The following ZFX variants were observed in gnomAD, a reference collection of about 807,000 sequenced individuals.
The protein encoded by ZFX is zinc finger protein X-linked.
For missense variants in ZFX, 362 were observed against 628.3 expected (o/e 0.58, Z 4.53); for synonymous variants, 196 against 226.8 (o/e 0.86, Z 1.22).
At chrX:24,198,654 C>A (rs1937087956) in intron 5 of ZFX, among the ~76,000 whole-genome samples, 1 of 111,206 alleles carries the variant, frequency 9.0e-6, no homozygotes, top group Non-Finnish European at 1.9e-5. Flanking sequence ...AGGGAAGTTT[C>A]TTTCCCTTAT....
At position 24,210,821 on chromosome X, in the gene ZFX, G is replaced by C. The variant is rs758783556; in HGVS notation, c.1863G>C (p.Gln621His). ...CTTTCTCGGATACCAAAGAGGTGCA[G>C]CAACATGCTCTTATCCACCAAGAAA... ...LLTFSDTKEV[Q>H]QHALIHQESK... The change falls in exon 10 of 10, where the codon CAG becomes CAC. Residue 621 changes from glutamine (Q) to histidine (H), a missense_variant. By Grantham distance (24) the Gln-to-His change is conservative (BLOSUM62 0). Coordinates refer to ENST00000304543, the MANE Select transcript of ZFX (RefSeq NM_003410.4). 8.3e-7 allele frequency: 1 copy of C among 1,211,964 alleles called. No individual in the cohort carries two copies. The highest frequency in any genetic ancestry group is 1.8e-5 in the South Asian group (1 of 56,984).
chrX:24,207,164 C>T (rs1164435478), intron 5 of ZFX, 162 bp from the exon 6 acceptor site: 11 of 464,820 alleles, frequency 2.4e-5, no homozygotes, highest in Admixed American at 1.3e-4. Flanking sequence ...ACCTGGGAGG[C>T]GGAGGTTGCA....
chrX:24,157,170 ACTT>A lies in ZFX; in HGVS notation c.-29+4341_-29+4343del, dbSNP rs747980194. ...ATTTGAATTCTGGGTATGTGCTACTACTTTTCATAAAGCTCTTGCACAACTTTT... is the reference window on the plus strand; with the variant it reads ...ATTTGAATTCTGGGTATGTGCTACTATTCATAAAGCTCTTGCACAACTTTT... On this transcript the variant is annotated intron_variant, in intron 3 of 9. Transcript: ENST00000304543. Among the ~76,000 whole-genome samples, 5 of 112,252 alleles carry A rather than the reference ACTT, an allele frequency of 4.5e-5. No homozygotes were observed. In the East Asian group the frequency reaches 1.4e-3, roughly 31 times the overall value.
intron 3 of ZFX, among the ~76,000 whole-genome samples, chrX:24,165,128 TTTC>T (rs1933874285): frequency 1.3e-5 from 1 of 78,248 alleles, no homozygotes; most frequent in Non-Finnish European, 2.5e-5. Flanking sequence ...TTTTCTTTTC[TTTC>T]TTTTTTTTGA....
intron 5 of ZFX, among the ~76,000 whole-genome samples, chrX:24,196,902 G>T (rs2251524): frequency 0.42 from 47,310 of 111,543 alleles, 7,096 homozygotes; most frequent in South Asian, 0.78. Flanking sequence ...GCTGTAGGTT[G>T]GTTTGTTTGT....
chrX:24,209,133 T>C, intron 9 of ZFX, 93 bp downstream of exon 9: 2 of 1,152,560 alleles, frequency 1.7e-6, no homozygotes, highest in Non-Finnish European at 2.4e-6. Flanking sequence ...AATGGCATTT[T>C]AGCTGCTAGA....
In ZFX at chrX:24,211,483, G is replaced by A. The variant is rs778711257; in HGVS notation, c.*107G>A. The A allele has an allele frequency of 3.2e-6, 3 of 923,873 alleles. No homozygotes were observed. The highest frequency in any genetic ancestry group is 4.4e-6 in the Non-Finnish European group (3 of 676,240). 76.1% of individuals were successfully genotyped at this position (923,873 alleles called of 1,213,427 possible). A position where few individuals can be genotyped will look rare whatever the true frequency, so the allele number is the denominator to read the frequency against. On this transcript the variant is annotated 3_prime_UTR_variant, in exon 10 of 10. Transcript: ENST00000304543. ...ACAATACTGTATATTGATTTATGCT[G>A]TGTACAAATAGAATTATTACTTCTA...
intron 3 of ZFX, among the ~76,000 whole-genome samples, chrX:24,159,623 G>A (rs1158655189): frequency 9.1e-6 from 1 of 109,731 alleles, no homozygotes; most frequent in East Asian, 3.1e-4. Context: ...ACAGGTGCCC[G>A]CCACCATGCC....
chrX:24,210,812 A>G lies in ZFX; in HGVS notation c.1854A>G (p.Lys618=), dbSNP rs1269818607. 8.3e-7 allele frequency: 1 copy of G among 1,210,312 alleles called. No homozygotes were observed. Among genetic ancestry groups the G allele is most frequent in the East Asian group, 3.0e-5 (1 of 33,785 alleles). ...GTCTTCTGACTTTCTCGGATACCAA[A>G]GAGGTGCAGCAACATGCTCTTATCC... is the stretch of plus-strand genomic sequence containing the variant. ...DICLLTFSDT[K]EVQQHALIHQ... Residue 618 remains lysine (K), a synonymous_variant, in exon 10 of 10, where the codon AAA becomes AAG. Transcript: ENST00000304543.
intron 3 of ZFX, among the ~76,000 whole-genome samples, chrX:24,153,461 G>A (rs909238802): frequency 4.5e-5 from 5 of 111,554 alleles, no homozygotes; most frequent in African/African-American, 1.6e-4. Flanking sequence ...AGCTCTGTGC[G>A]TGATGCCGTC....
At chrX:24,168,671 C>CTTTTTTTTT (rs141296315) in intron 3 of ZFX, among the ~76,000 whole-genome samples, 8 of 83,241 alleles carry the variant, frequency 9.6e-5, no homozygotes, top group Non-Finnish European at 1.4e-4. Context: ...TTCTTTCTTT[C>CTTTTTTTTT]TTTTTTTTTT....
intron 3 of ZFX, among the ~76,000 whole-genome samples, chrX:24,161,448 T>A (rs1457583607): frequency 8.9e-6 from 1 of 111,897 alleles, no homozygotes; most frequent in Non-Finnish European, 1.9e-5. Flanking sequence ...AAGGCAATCT[T>A]GAGAAAAAGT....
chrX:24,172,769 A>G lies in ZFX; in HGVS notation c.27A>G (p.Gln9=), dbSNP rs1934746775. 3.3e-6 allele frequency: 4 copies of G among 1,202,273 alleles called. No homozygotes were observed. Among genetic ancestry groups the G allele is most frequent in the Admixed American group, 2.3e-5 (1 of 43,857 alleles). Residue 9 remains glutamine (Q), a synonymous_variant, in exon 4 of 10, where the codon CAA becomes CAG. Coordinates refer to ENST00000304543, the MANE Select transcript of ZFX (RefSeq NM_003410.4). ...TGGATGAAGATGGGCTTGAATTACA[A>G]CAAGAGCCAAACTCATTTTTTGATG... The part of the protein sequence containing the change: MDEDGLEL[Q]QEPNSFFDAT...
At chrX:24,185,641 G>C (rs773894167) in intron 5 of ZFX, among the ~76,000 whole-genome samples, 1 of 111,858 alleles carries the variant, frequency 8.9e-6, no homozygotes, top group African/African-American at 3.2e-5. Context: ...AGTAGAGACA[G>C]GGTTTCGTCA....
chrX:24,179,635 C>G lies in ZFX; in HGVS notation c.511C>G (p.Leu171Val), dbSNP rs1440260664. 2 of 1,211,897 alleles carry G rather than the reference C, an allele frequency of 1.7e-6. No individual in the cohort carries two copies. The highest frequency in any genetic ancestry group is 2.2e-6 in the Non-Finnish European group (2 of 895,605). ...GGAAGCAGAAATTGTCACTGATCCT[C>G]TGACTACCGACGTAGTTTCAGAAGA... ...VVEAEIVTDP[L>V]TTDVVSEEVL... is the part of the protein sequence containing the mutation. The change falls in exon 5 of 10, where the codon CTG (leucine) becomes GTG (valine). Residue 171 changes from leucine (L) to valine (V), a missense_variant. Leu to Val is a conservative substitution (Grantham distance 32). Coordinates refer to ENST00000304543, the MANE Select transcript of ZFX (RefSeq NM_003410.4).
At position 24,202,703 on chromosome X, in the gene ZFX, G is replaced by A. The variant is rs138703253; in HGVS notation, c.647-4623G>A. ...TGTCCTCACACTGCAGATTCTCACT[G>A]CATGATGGCAAAGCTTAGTTAACAC... is the stretch of plus-strand genomic sequence containing the variant. On this transcript the variant is annotated intron_variant, in intron 5 of 9. Transcript: ENST00000304543. 9.2e-3 allele frequency among the ~76,000 whole-genome samples: 1,033 copies of A among 111,871 alleles called. 11 individuals carry two copies. Among genetic ancestry groups the A allele is most frequent in the African/African-American group, 0.031 (960 of 30,818 alleles).
chrX:24,178,701 C>G (rs1213752447), intron 4 of ZFX, among the ~76,000 whole-genome samples: 1 of 110,808 alleles, frequency 9.0e-6, no homozygotes, highest in Non-Finnish European at 1.9e-5. Context: ...GCTTCAGCCT[C>G]CCAGGAAGTT....
Position 24,207,416 on chromosome X carries a change from C to T in ZFX, c.737C>T (p.Thr246Ile). ...SEIDPCKVDG[T>I]CPEVIKVYIF... ...ATTGATCCTTGTAAAGTGGATGGCA[C>T]TTGCCCTGAGGTCATCAAGGTGTAC... Residue 246 changes from threonine (T) to isoleucine (I), a missense_variant, in exon 6 of 10, where the codon ACT (threonine) becomes ATT (isoleucine). Thr to Ile is a moderately conservative substitution (Grantham distance 89). Transcript: ENST00000304543. 1 of 1,210,505 alleles carries T rather than the reference C, an allele frequency of 8.3e-7. No homozygotes were observed. The highest frequency in any genetic ancestry group is 1.1e-6 in the Non-Finnish European group (1 of 895,198).
intron 3 of ZFX, among the ~76,000 whole-genome samples, chrX:24,167,957 A>G (rs758445158): frequency 1.8e-5 from 2 of 111,807 alleles, no homozygotes; most frequent in African/African-American, 6.5e-5. Context: ...AGAGGAAGTG[A>G]TAAGTATAAG....
Sources: gnomAD v4.1 joint callset for allele counts (sites outside exome capture counted in the v4.1 genomes callset) on GRCh38, gnomAD v4.1.1 for gene constraint, MANE v1.5 for transcripts, NCBI Gene and HGNC (gene_info 2026-07-23, HGNC 2026-07-21) for gene names.